The following ESD variants were observed in gnomAD, a reference collection of about 807,000 sequenced individuals.
The protein encoded by ESD is S-formylglutathione hydrolase.
Under a neutral mutation model 38.1 loss-of-function variants are expected in ESD, and 34 were observed. The ratio of observed to expected loss-of-function variants is 0.89; its 90% CI spans 0.68 to 1.19. The LOEUF (loss-of-function observed/expected upper bound fraction) is 1.19, where lower values mean the gene tolerates loss of function less well. Among genes scored for constraint, ESD ranks in the 50% most tolerant of loss-of-function variants. ESD has a pLI of 0.00. For synonymous variants in ESD, 97 were observed against 107.0 expected, an observed-to-expected ratio of 0.91 and a Z score of 0.58; for missense variants, 334 against 327.2, an observed-to-expected ratio of 1.02 and a Z score of -0.16.
Position 46,777,478 on chromosome 13 carries a change from G to A in ESD, c.746C>T (p.Pro249Leu). Residue 249 changes from proline (P) to leucine (L), a missense_variant, in exon 9 of 10, where the codon CCC becomes CTC. Coordinates refer to ENST00000378720, the MANE Select transcript of ESD (RefSeq NM_001984.2). ...FIAACTEKKI[P>L]VVFRLQEGYD... Reference sequence around the variant, plus strand: ...TGCCTCTTGCAATCGAAAAACAACGGGGATTTTCTTTTCTGTACAGGCAGC... The same window carrying A: ...TGCCTCTTGCAATCGAAAAACAACGAGGATTTTCTTTTCTGTACAGGCAGC... The A allele has an allele frequency of 6.2e-7, 1 of 1,604,526 alleles. No individual in the cohort carries two copies.
rs1450766650 is a variant in ESD at position 46,771,412 on chromosome 13, T to C, written c.*4A>G. ...CTGAAGAGATTCTCTTATTTGGAGT[T>C]TTTTCATGCATTCAGGTATTTAGCA... On this transcript the variant is annotated 3_prime_UTR_variant, in exon 10 of 10. Coordinates refer to ENST00000378720, the MANE Select transcript of ESD (RefSeq NM_001984.2). 9 of 1,584,662 alleles carry C rather than the reference T, an allele frequency of 5.7e-6. No individual in the cohort carries two copies. The highest frequency in any genetic ancestry group is 7.8e-6 in the Non-Finnish European group (9 of 1,157,030).
chr13:46,784,357 A>AT lies in ESD; in HGVS notation c.158-8dup. ...TGCTCTGTGCAAGTTAAACCTGAAG[A>AT]TAAAAAATATTGTTATTGGGCACAC... On this transcript the variant is annotated splice_polypyrimidine_tract_variant and splice_region_variant and intron_variant, in intron 4 of 9. Coordinates refer to ENST00000378720, the MANE Select transcript of ESD (RefSeq NM_001984.2). 1 of 1,584,130 alleles carries AT rather than the reference A, an allele frequency of 6.3e-7. No individual in the cohort carries two copies. The highest frequency in any genetic ancestry group is 8.6e-7 in the Non-Finnish European group (1 of 1,156,080).
At chr13:46,785,484 T>C (rs1322870718) in intron 4 of ESD, among the ~76,000 whole-genome samples, 2 of 152,066 alleles carry the variant, frequency 1.3e-5, no homozygotes, top group African/African-American at 4.8e-5. Flanking sequence ...GAACTATCTT[T>C]TAAGATTTCA....
chr13:46,771,306 T>C lies in ESD; in HGVS notation c.*110A>G, dbSNP rs1382543300. The C allele has an allele frequency of 8.9e-6, 6 of 673,610 alleles. No homozygotes were observed. The highest frequency in any genetic ancestry group is 3.6e-4 in the Middle Eastern group (1 of 2,748). The allele number at this position is 673,610 out of a possible 1,614,324, so 41.7% of individuals were successfully genotyped here. A position where few individuals can be genotyped will look rare whatever the true frequency, so the allele number is the denominator to read the frequency against. On this transcript the variant is annotated 3_prime_UTR_variant, in exon 10 of 10. Coordinates refer to ENST00000378720, the MANE Select transcript of ESD (RefSeq NM_001984.2). Reference sequence around the variant, plus strand: ...TGATTCAACTATAGAATAAAGCCCTTTTAGCACTATAAAATCCAATGTTTT... The same window carrying C: ...TGATTCAACTATAGAATAAAGCCCTCTTAGCACTATAAAATCCAATGTTTT...
At position 46,771,454 on chromosome 13, in the gene ESD, C is replaced by G; in HGVS notation, c.811G>C (p.Asp271His). The G allele has an allele frequency of 6.2e-7, 1 of 1,606,572 alleles. No homozygotes were observed. The highest frequency in any genetic ancestry group is 8.5e-7 in the Non-Finnish European group (1 of 1,175,544). ...SYYFIATFIT[D>H]HIRHHAKYLN... ...TATTTAGCATGATGTCTGATGTGGT[C>G]AGTAATAAAGGTTGCAATGAAGTAG... The change falls in exon 10 of 10, where the codon GAC becomes CAC. Residue 271 changes from aspartate to histidine, a missense_variant. Physicochemically the swap from Asp to His is moderately conservative, Grantham distance 81. Transcript: ENST00000378720.
In ESD at chr13:46,791,420, C is replaced by G. The variant is rs201948274; in HGVS notation, c.-7G>C. 2 of 1,610,328 alleles carry G rather than the reference C, an allele frequency of 1.2e-6. No homozygotes were observed. The highest frequency in any genetic ancestry group is 1.7e-6 in the Non-Finnish European group (2 of 1,177,844). On this transcript the variant is annotated splice_region_variant and 5_prime_UTR_variant, in exon 3 of 10. Coordinates refer to ENST00000378720, the MANE Select transcript of ESD (RefSeq NM_001984.2). ...AAATCTGCTTCAATGCCATTCTTTTCCTATTAGTAAAGAGTAATCTCATTA... is the reference window on the plus strand; with the variant it reads ...AAATCTGCTTCAATGCCATTCTTTTGCTATTAGTAAAGAGTAATCTCATTA...
At position 46,783,449 on chromosome 13, in the gene ESD, T is replaced by C. The variant is rs1268345057; in HGVS notation, c.257-658A>G. ...TAACACGTAGAGTAATTTGGAGACA[T>C]GACCTTGTCGTAAGATTCATTTTAT... On this transcript the variant is annotated intron_variant, in intron 5 of 9. Transcript: ENST00000378720. Among the ~76,000 whole-genome samples, 13 of 152,154 alleles carry C rather than the reference T, an allele frequency of 8.5e-5. No individual in the cohort carries two copies. In the East Asian group the frequency reaches 2.3e-3, roughly 27 times the overall value.
intron 3 of ESD, 53 bp from the exon 4 acceptor site, chr13:46,787,162 C>A: frequency 9.6e-7 from 1 of 1,040,470 alleles, no homozygotes; most frequent in Non-Finnish European, 1.4e-6. Flanking sequence ...TTAATCAATA[C>A]AGAAACAAAA....
intron 3 of ESD, among the ~76,000 whole-genome samples, chr13:46,787,982 G>T (rs1431800637): frequency 1.3e-5 from 2 of 151,788 alleles, no homozygotes; most frequent in East Asian, 1.9e-4. Flanking sequence ...TCCCATTATA[G>T]AAGGATTTTA....
chr13:46,772,715 G>A (rs1874649922), intron 9 of ESD, among the ~76,000 whole-genome samples: 1 of 151,606 alleles, frequency 6.6e-6, no homozygotes, highest in Non-Finnish European at 1.5e-5. Context: ...TTTTGAGACG[G>A]AGTCTCACTC....
At position 46,777,556 on chromosome 13, in the gene ESD, C is replaced by T. The variant is rs199632443; in HGVS notation, c.668G>A (p.Gly223Glu). ...ATCTAAAAGAAACTGGTCATCTTTCCCTTGATCAATTAGTATGTCCAGCTG... is the reference window on the plus strand; with the variant it reads ...ATCTAAAAGAAACTGGTCATCTTTCTCTTGATCAATTAGTATGTCCAGCTG... ...GSQLDILIDQGKDDQFLLDGQ... is the reference protein window; with the variant it reads ...GSQLDILIDQEKDDQFLLDGQ... The change falls in exon 9 of 10, where the codon GGG becomes GAG. Residue 223 changes from glycine (G) to glutamate (E), a missense_variant. Physicochemically the swap from Gly to Glu is moderately conservative, Grantham distance 98 (BLOSUM62 -2). Coordinates refer to ENST00000378720, the MANE Select transcript of ESD (RefSeq NM_001984.2). 8 of 1,611,440 alleles carry T rather than the reference C, an allele frequency of 5.0e-6. No individual in the cohort carries two copies. In the East Asian group the frequency reaches 1.3e-4, roughly 27 times the overall value.
At chr13:46,779,051 T>G (rs1308907393) in intron 8 of ESD, among the ~76,000 whole-genome samples, 2 of 151,854 alleles carry the variant, frequency 1.3e-5, no homozygotes, top group East Asian at 3.9e-4. Flanking sequence ...ATGAGTTCAT[T>G]TGCAAAGTAT....
At position 46,781,496 on chromosome 13, in the gene ESD, T is replaced by A; in HGVS notation, c.501A>T (p.Lys167Asn). ...ICALKNPGKY[K>N]SVSAFAPICN... ...TCACTAGAAGTTTAGATAATCTTAC[T>A]TTGTATTTTCCAGGATTTTTCAAAG... Residue 167 changes from lysine (K) to asparagine (N), a missense_variant and splice_region_variant, in exon 7 of 10, where the codon AAA becomes AAT. By Grantham distance (94) the Lys-to-Asn change is moderately conservative. Transcript: ENST00000378720. The A allele has an allele frequency of 6.3e-7, 1 of 1,592,686 alleles. No individual in the cohort carries two copies. The highest frequency in any genetic ancestry group is 8.5e-7 in the Non-Finnish European group (1 of 1,170,626).
At chr13:46,771,602 A>G in intron 9 of ESD, 106 bp from the exon 10 acceptor site, 1 of 656,246 alleles carries the variant, frequency 1.5e-6, no homozygotes, top group Non-Finnish European at 2.6e-6. Context: ...ACAAATAGTC[A>G]TAACATTAAG....
At chr13:46,792,088 A>T (rs1052618830) in intron 2 of ESD, among the ~76,000 whole-genome samples, 5 of 152,110 alleles carry the variant, frequency 3.3e-5, no homozygotes, top group African/African-American at 1.2e-4. Flanking sequence ...AAATAATTTT[A>T]AACTTACATG....
intron 5 of ESD, among the ~76,000 whole-genome samples, chr13:46,783,032 A>G (rs1875064334): frequency 6.6e-6 from 1 of 151,990 alleles, no homozygotes; most frequent in African/African-American, 2.4e-5. Context: ...TGGAGTATTC[A>G]GCTGCCAAGG....
intron 6 of ESD, among the ~76,000 whole-genome samples, chr13:46,782,219 A>G (rs1380189335): frequency 6.6e-6 from 1 of 151,860 alleles, no homozygotes; most frequent in African/African-American, 2.4e-5. Context: ...GGGTAATTAA[A>G]AACTTACACT....
chr13:46,792,118 G>A (rs1053800886), intron 2 of ESD, among the ~76,000 whole-genome samples: 1 of 151,836 alleles, frequency 6.6e-6, no homozygotes, highest in African/African-American at 2.4e-5. Flanking sequence ...ATATTTTATT[G>A]CTTTTAATGA....
At chr13:46,794,092 G>A (rs1875489951) in intron 1 of ESD, among the ~76,000 whole-genome samples, 3 of 151,804 alleles carry the variant, frequency 2.0e-5, no homozygotes, top group Admixed American at 2.0e-4. Context: ...TTTTGTGGGA[G>A]AAATAGGGTG....
Sources: allele counts gnomAD v4.1 joint callset (sites outside exome capture counted in the v4.1 genomes callset), GRCh38; gene constraint gnomAD v4.1.1; transcripts MANE v1.5; gene names NCBI Gene and HGNC (gene_info 2026-07-23, HGNC 2026-07-21).